The following ARAP2 variants were observed in gnomAD, a reference collection of about 807,000 sequenced individuals.
ARAP2 encodes the protein arf-GAP with Rho-GAP domain, ANK repeat and PH domain-containing protein 2.
A neutral mutation model predicts 194.5 loss-of-function variants in ARAP2; 148 were observed. The ratio of observed to expected loss-of-function variants is 0.76; its 90% CI spans 0.67 to 0.87. The LOEUF (loss-of-function observed/expected upper bound fraction) is 0.87. Ranked by LOEUF, ARAP2 falls within the 40% of genes least tolerant of loss-of-function variation. The pLI, the probability that ARAP2 is intolerant of heterozygous loss-of-function variation, is 0.00. For missense variants in ARAP2, 2,128 were observed against 1,989.7 expected, an observed-to-expected ratio of 1.07 and a Z score of -1.32; for synonymous variants, 695 against 683.5, an observed-to-expected ratio of 1.02 and a Z score of -0.26.
intron 10 of ARAP2, among the ~76,000 whole-genome samples, chr4:36,166,464 T>C (rs1490154395): frequency 1.3e-5 from 2 of 152,112 alleles, no homozygotes; most frequent in African/African-American, 4.8e-5. Context: ...ATAGGTGCTA[T>C]GAGATTCATT....
chr4:36,148,487 A>T lies in ARAP2; in HGVS notation c.2918T>A (p.Ile973Asn). The change falls in exon 17 of 33, where the codon ATC becomes AAC. Residue 973 changes from isoleucine (I) to asparagine (N), a missense_variant. Coordinates refer to ENST00000303965, the MANE Select transcript of ARAP2 (RefSeq NM_015230.4). Reference sequence around the variant, plus strand: ...AAACACACGTTCGGAGGGTAAGTAGATCTCAAAGATAAAGATGGGCCTAAA... The same window carrying T: ...AAACACACGTTCGGAGGGTAAGTAGTTCTCAAAGATAAAGATGGGCCTAAA... ...LNTGPIFIFE[I>N]YLPSERVFLF... The T allele has an allele frequency of 6.2e-7, 1 of 1,612,970 alleles. No individual in the cohort carries two copies. The highest frequency in any genetic ancestry group is 1.7e-5 in the Admixed American group (1 of 59,940).
At chr4:36,195,018 T>A (rs1043649429) in intron 6 of ARAP2, among the ~76,000 whole-genome samples, 16 of 149,082 alleles carry the variant, frequency 1.1e-4, no homozygotes, top group African/African-American at 3.7e-4. Flanking sequence ...AAAAAAAAAA[T>A]AGCCAGGCAT....
At chr4:36,059,886 T>C (rs1424061617) in intron 1 of ARAP2, among the ~76,000 whole-genome samples, 2 of 152,122 alleles carry the variant, frequency 1.3e-5, no homozygotes, top group East Asian at 3.9e-4. Flanking sequence ...AGGAGCAGTT[T>C]TCGAAGAGTA....
In ARAP2 at chr4:36,210,452, G is replaced by A. The variant is rs779834542; in HGVS notation, c.1425C>T (p.Cys475=). ...CCTTCTTTGCAGATGCTCCATAAAAGCAGGCATAGGGAGATATTGCCTGTG... is the reference window on the plus strand; with the variant it reads ...CCTTCTTTGCAGATGCTCCATAAAAACAGGCATAGGGAGATATTGCCTGTG... The part of the protein sequence containing the change: ...VSSQAISPYA[C]FYGASAKKVK... Residue 475 remains cysteine (C), a synonymous_variant, in exon 6 of 33, where the codon TGC becomes TGT. Coordinates refer to ENST00000303965, the MANE Select transcript of ARAP2 (RefSeq NM_015230.4). 3 of 1,613,702 alleles carry A rather than the reference G, an allele frequency of 1.9e-6. No individual in the cohort carries two copies. Among genetic ancestry groups the A allele is most frequent in the Non-Finnish European group, 2.5e-6 (3 of 1,179,796 alleles).
At chr4:36,236,162 G>C (rs1752408089) in intron 1 of ARAP2, among the ~76,000 whole-genome samples, 1 of 143,864 alleles carries the variant, frequency 7.0e-6, no homozygotes, top group Admixed American at 7.1e-5. Context: ...CTGGGCAACA[G>C]AGCCAGACCC....
At chr4:36,239,693 A>G (rs1387013471) in intron 1 of ARAP2, among the ~76,000 whole-genome samples, 1 of 152,234 alleles carries the variant, frequency 6.6e-6, no homozygotes, top group Non-Finnish European at 1.5e-5. Flanking sequence ...GATCTGTTTC[A>G]CAGCATTGTA....
At chr4:36,051,033 A>G (rs1722575362) in intron 3 of ARAP2, among the ~76,000 whole-genome samples, 1 of 152,240 alleles carries the variant, frequency 6.6e-6, no homozygotes, top group Non-Finnish European at 1.5e-5. Flanking sequence ...TTTAAAAACT[A>G]TCTCACGTAT....
chr4:36,071,773 A>C (rs1225880617), intron 32 of ARAP2, among the ~76,000 whole-genome samples: 1 of 150,420 alleles, frequency 6.6e-6, no homozygotes. Flanking sequence ...ATATGTATAC[A>C]TGTGCCATGC....
chr4:36,228,613 T>C lies in ARAP2; in HGVS notation c.874A>G (p.Ile292Val), dbSNP rs575272332. 3.7e-6 allele frequency: 6 copies of C among 1,604,670 alleles called. No homozygotes were observed. The African/African-American group carries it at 5.4e-5, about 14-fold the overall frequency. The change falls in exon 2 of 33, where the codon ATT becomes GTT. Residue 292 changes from isoleucine (I) to valine (V), a missense_variant. By Grantham distance (29) the Ile-to-Val change is conservative. Coordinates refer to ENST00000303965, the MANE Select transcript of ARAP2 (RefSeq NM_015230.4). ...GAAACTCCTTTTGTTGACCCTGGAA[T>C]CTCTGGTACAGGTCGATGTCTTAGC... ...FLLRHRPVPEIPGSTKGVSGS... is the reference protein window; with the variant it reads ...FLLRHRPVPEVPGSTKGVSGS...
intron 5 of ARAP2, among the ~76,000 whole-genome samples, chr4:36,022,587 T>C (rs1020751935): frequency 1.3e-5 from 2 of 152,116 alleles, no homozygotes. Flanking sequence ...TACAAGGCCA[T>C]TGACTACACA....
chr4:36,126,974 C>A lies in ARAP2; in HGVS notation c.3640+1559G>T, dbSNP rs75684008. On this transcript the variant is annotated intron_variant, in intron 21 of 32. Transcript: ENST00000303965. ...CACCTCAGTCTTCAGAATAGCTGAG[C>A]CTACAGGAGCACATCATGCCTGAGC... 5.3e-3 allele frequency among the ~76,000 whole-genome samples: 806 copies of A among 152,056 alleles called. 11 individuals are homozygous for A. Among genetic ancestry groups the A allele is most frequent in the African/African-American group, 0.018 (760 of 41,520 alleles).
chr4:36,193,501 A>T (rs1742410665), intron 7 of ARAP2, 77 bp downstream of exon 7: 2 of 971,410 alleles, frequency 2.1e-6, no homozygotes, highest in Non-Finnish European at 1.5e-6. Flanking sequence ...TCCTATTCTT[A>T]AAAACCAAAC....
intron 9 of ARAP2, among the ~76,000 whole-genome samples, chr4:36,177,422 T>C (rs1205815022): frequency 6.6e-6 from 1 of 152,164 alleles, no homozygotes; most frequent in Non-Finnish European, 1.5e-5. Context: ...TTACCTGTGC[T>C]TACCCTATAA....
intron 3 of ARAP2, chr4:36,047,398 G>A (rs552281459): frequency 3.9e-5 from 6 of 152,290 alleles, no homozygotes; most frequent in Non-Finnish European, 7.4e-5. Context: ...TAAGCTAACT[G>A]ACTTTCCCGT....
intron 19 of ARAP2, 58 bp downstream of exon 19, chr4:36,147,238 C>G: frequency 1.3e-6 from 2 of 1,503,464 alleles, no homozygotes; most frequent in Non-Finnish European, 1.8e-6. Context: ...TAACAAAAAA[C>G]AAAATCCCGC....
At chr4:36,093,061 TG>T (rs1016725046) in intron 27 of ARAP2, among the ~76,000 whole-genome samples, 1 of 152,050 alleles carries the variant, frequency 6.6e-6, no homozygotes, top group Non-Finnish European at 1.5e-5. Context: ...TGCAGGGACA[TG>T]ATGGAGCTGG....
At position 36,147,534 on chromosome 4, in the gene ARAP2, A is replaced by G. The variant is rs752354943; in HGVS notation, c.3199+14T>C. ...AAAAGTGTTCCAAAGATAAGGGAAG[A>G]AAAAAGCTCTTACTTAGCTCTTGCA... On this transcript the variant is annotated intron_variant, in intron 18 of 32. Coordinates refer to ENST00000303965, the MANE Select transcript of ARAP2 (RefSeq NM_015230.4). 1.9e-6 allele frequency: 3 copies of G among 1,598,528 alleles called. No individual in the cohort carries two copies. Among genetic ancestry groups the G allele is most frequent in the East Asian group, 2.2e-5 (1 of 44,766 alleles).
intron 26 of ARAP2, among the ~76,000 whole-genome samples, chr4:36,111,260 G>T (rs1719918890): frequency 6.6e-6 from 1 of 151,658 alleles, no homozygotes; most frequent in Admixed American, 6.6e-5. Context: ...TACTACCTAT[G>T]CCTTTACTTT....
chr4:36,068,052 A>AATGTCTTTAGG lies in ARAP2; in HGVS notation c.4959_4969dup (p.Leu1657SerfsTer2). 1.2e-6 allele frequency: 2 copies of AATGTCTTTAGG among 1,614,102 alleles called. No homozygotes were observed. Among genetic ancestry groups the AATGTCTTTAGG allele is most frequent in the Non-Finnish European group, 1.7e-6 (2 of 1,180,006 alleles). Reference sequence around the variant, plus strand: ...GCTATTCCTGTCCTCAGTCTTCCTCAATGTCTTTAGGCCTTTATGGCCTTT... The same window carrying AATGTCTTTAGG: ...GCTATTCCTGTCCTCAGTCTTCCTCAATGTCTTTAGGATGTCTTTAGGCCTTTATGGCCTTT... On this transcript the variant is annotated stop_gained and frameshift_variant, in exon 33 of 33. Transcript: ENST00000303965. LOFTEE classifies it high-confidence loss of function.
Sources: allele counts gnomAD v4.1 joint callset (sites outside exome capture counted in the v4.1 genomes callset), GRCh38; gene constraint gnomAD v4.1.1; transcripts MANE v1.5; gene names NCBI Gene and HGNC (gene_info 2026-07-23, HGNC 2026-07-21).